The following NDUFAF2 variants were observed in gnomAD, a reference collection of about 807,000 sequenced individuals.
NDUFAF2 encodes NADH dehydrogenase [ubiquinone] 1 alpha subcomplex assembly factor 2.
Under a neutral mutation model 22.8 loss-of-function variants are expected in NDUFAF2, and 13 were observed. That is an observed-to-expected ratio of 0.57 (90% CI 0.37 to 0.91). The LOEUF is 0.91. Among genes scored for constraint, NDUFAF2 ranks in the 40% least tolerant of loss-of-function variants. NDUFAF2 has a pLI of 0.01. For missense variants in NDUFAF2, 162 were observed against 195.2 expected, an observed-to-expected ratio of 0.83 and a Z score of 1.01; for synonymous variants, 53 against 64.2, an observed-to-expected ratio of 0.83 and a Z score of 0.84.
chr5:61,071,902 A>G (rs1752304258), intron 1 of NDUFAF2, among the ~76,000 whole-genome samples: 1 of 152,232 alleles, frequency 6.6e-6, no homozygotes, highest in South Asian at 2.1e-4. Flanking sequence ...GAAAGATATA[A>G]TGAAGACTTT....
At chr5:60,960,937 T>C (rs2112567364) in intron 1 of NDUFAF2, among the ~76,000 whole-genome samples, 1 of 152,202 alleles carries the variant, frequency 6.6e-6, no homozygotes, top group East Asian at 1.9e-4. Context: ...AAAATATAAC[T>C]CCGATTAAGC....
intron 1 of NDUFAF2, among the ~76,000 whole-genome samples, chr5:60,987,552 C>T (rs1217703883): frequency 2.6e-5 from 4 of 152,096 alleles, no homozygotes; most frequent in African/African-American, 9.7e-5. Context: ...CTAGCAAATC[C>T]AATCCAGCAG....
chr5:61,055,066 A>G (rs1396528489), intron 1 of NDUFAF2, among the ~76,000 whole-genome samples: 2 of 152,218 alleles, frequency 1.3e-5, no homozygotes, highest in Non-Finnish European at 2.9e-5. Context: ...ATTTCACAAG[A>G]CAAGGAGATG....
chr5:60,977,607 G>A (rs1025651963), intron 1 of NDUFAF2, among the ~76,000 whole-genome samples: 6 of 151,684 alleles, frequency 4.0e-5, no homozygotes, highest in African/African-American at 1.5e-4. Context: ...AGGCCGAGGT[G>A]AGCAGATCAC....
At chr5:61,133,269 A>T (rs191652747) in intron 3 of NDUFAF2, among the ~76,000 whole-genome samples, 46 of 152,126 alleles carry the variant, frequency 3.0e-4, no homozygotes. Flanking sequence ...TTCTTTGGGG[A>T]AAAAAAAGTG....
intron 3 of NDUFAF2, among the ~76,000 whole-genome samples, chr5:61,138,742 A>T (rs1300945285): frequency 6.6e-6 from 1 of 152,220 alleles, no homozygotes; most frequent in Non-Finnish European, 1.5e-5. Flanking sequence ...GGATACCTGT[A>T]TGCAAAGCCA....
At chr5:61,095,721 G>A (rs1752631464) in intron 2 of NDUFAF2, among the ~76,000 whole-genome samples, 1 of 152,170 alleles carries the variant, frequency 6.6e-6, no homozygotes, top group African/African-American at 2.4e-5. Flanking sequence ...ACTCAGGGTT[G>A]CAAAGATCCA....
At chr5:61,021,741 T>C (rs1044294853) in intron 1 of NDUFAF2, among the ~76,000 whole-genome samples, 3 of 152,364 alleles carry the variant, frequency 2.0e-5, no homozygotes, top group Middle Eastern at 3.4e-3. Context: ...TTGCATACCA[T>C]GCTCATTTGT....
At chr5:61,014,161 A>G (rs1041092908) in intron 1 of NDUFAF2, among the ~76,000 whole-genome samples, 2 of 152,170 alleles carry the variant, frequency 1.3e-5, no homozygotes, top group Non-Finnish European at 2.9e-5. Context: ...TACCCCCTCA[A>G]TCTCTGGAGA....
At chr5:60,996,367 A>C (rs1161420467) in intron 1 of NDUFAF2, among the ~76,000 whole-genome samples, 1 of 152,150 alleles carries the variant, frequency 6.6e-6, no homozygotes, top group South Asian at 2.1e-4. Flanking sequence ...CAGGTGCCTG[A>C]CAACTCTGAC....
intron 1 of NDUFAF2, among the ~76,000 whole-genome samples, chr5:61,022,685 C>T (rs1213917345): frequency 6.6e-6 from 1 of 152,178 alleles, no homozygotes; most frequent in African/African-American, 2.4e-5. Context: ...CGCTCTGTGG[C>T]CCAGGCTGGA....
At chr5:61,049,074 CT>C (rs1751991058) in intron 1 of NDUFAF2, among the ~76,000 whole-genome samples, 1 of 151,870 alleles carries the variant, frequency 6.6e-6, no homozygotes, top group African/African-American at 2.4e-5. Context: ...GTTTTGTGTT[CT>C]TTTTATATAT....
chr5:61,112,131 G>T (rs1752850209), intron 3 of NDUFAF2, among the ~76,000 whole-genome samples: 1 of 151,810 alleles, frequency 6.6e-6, no homozygotes, highest in African/African-American at 2.4e-5. Context: ...GTGCTCCAGA[G>T]TTGGGTGGAT....
intron 1 of NDUFAF2, among the ~76,000 whole-genome samples, chr5:60,955,402 T>C (rs1306394214): frequency 6.6e-6 from 1 of 152,222 alleles, no homozygotes; most frequent in Non-Finnish European, 1.5e-5. Context: ...TACTAGGTTC[T>C]GTCTTCTGTT....
intron 3 of NDUFAF2, among the ~76,000 whole-genome samples, chr5:61,104,651 T>C (rs190491288): frequency 6.6e-6 from 1 of 152,172 alleles, no homozygotes; most frequent in East Asian, 1.9e-4. Flanking sequence ...GACTTACTTT[T>C]GTTCATGTCT....
At chr5:61,134,418 G>A (rs979882026) in intron 3 of NDUFAF2, among the ~76,000 whole-genome samples, 3 of 152,184 alleles carry the variant, frequency 2.0e-5, no homozygotes, top group Admixed American at 6.5e-5. Flanking sequence ...AGGCGCGGTG[G>A]CTCACGCCTG....
At chr5:61,118,300 A>G (rs991540001) in intron 3 of NDUFAF2, among the ~76,000 whole-genome samples, 3 of 152,202 alleles carry the variant, frequency 2.0e-5, no homozygotes, top group Admixed American at 1.3e-4. Flanking sequence ...GAAAGCATCA[A>G]TAAAAATTAG....
chr5:61,128,244 T>A (rs1753063025), intron 3 of NDUFAF2, among the ~76,000 whole-genome samples: 1 of 152,132 alleles, frequency 6.6e-6, no homozygotes. Context: ...ATAGATTCAA[T>A]GCCATCCCCA....
chr5:61,026,932 A>C (rs1751657454), intron 1 of NDUFAF2, among the ~76,000 whole-genome samples: 1 of 151,802 alleles, frequency 6.6e-6, no homozygotes, highest in African/African-American at 2.4e-5. Flanking sequence ...TTGTTCCTGC[A>C]GAGTTCTTTG....
Sources: allele counts gnomAD v4.1 joint callset (sites outside exome capture counted in the v4.1 genomes callset), GRCh38; gene constraint gnomAD v4.1.1; transcripts MANE v1.5; gene names NCBI Gene and HGNC (gene_info 2026-07-23, HGNC 2026-07-21).